Variants in UNC13C observed in about 807,000 individuals in gnomAD.
UNC13C encodes the protein unc-13 homolog C, also known as protein unc-13 homolog C.
Under a neutral mutation model 245.4 loss-of-function variants are expected in UNC13C, and 174 were observed. The ratio of observed to expected loss-of-function variants is 0.71; its 90% CI spans 0.63 to 0.80. UNC13C has a LOEUF of 0.80. Ranked by LOEUF, UNC13C falls within the 30% of genes least tolerant of loss-of-function variation. UNC13C has a pLI of 0.00. For missense variants in UNC13C, 2,829 were observed against 2,602.9 expected (o/e 1.09, Z -1.89); for synonymous variants, 992 against 895.1 (o/e 1.11, Z -1.93).
chr15:54,097,381 C>T (rs993491045), intron 2 of UNC13C, among the ~76,000 whole-genome samples: 1 of 152,162 alleles, frequency 6.6e-6, no homozygotes, highest in East Asian at 1.9e-4. Context: ...CTACCTCAAT[C>T]TCCCCAATGT....
At chr15:54,322,950 G>A (rs1164752997) in intron 14 of UNC13C, among the ~76,000 whole-genome samples, 1 of 151,842 alleles carries the variant, frequency 6.6e-6, no homozygotes, top group Non-Finnish European at 1.5e-5. Flanking sequence ...TTCTGGTCAG[G>A]GCAAATGGGT....
chr15:54,409,751 T>C, intron 18 of UNC13C, among the ~76,000 whole-genome samples: 1 of 152,196 alleles, frequency 6.6e-6, no homozygotes, highest in Admixed American at 6.5e-5. Context: ...GGTACAAATG[T>C]CCCACCTTTT....
At chr15:53,949,272 T>C in the UNC13C span, among the ~76,000 whole-genome samples, 1 of 152,178 alleles carries the variant, frequency 6.6e-6, no homozygotes, top group Non-Finnish European at 1.5e-5. Context: ...GTAGTAGATA[T>C]TCAGCCAGTG....
At chr15:53,980,047 C>T (rs770354803) in intron 1 of UNC13C, among the ~76,000 whole-genome samples, 35 of 152,114 alleles carry the variant, frequency 2.3e-4, no homozygotes, top group Non-Finnish European at 4.7e-4. Flanking sequence ...TGCCAAAGCT[C>T]TAGGACCCTG....
At chr15:53,854,530 A>G in the UNC13C span, among the ~76,000 whole-genome samples, 1 of 152,162 alleles carries the variant, frequency 6.6e-6, no homozygotes, top group African/African-American at 2.4e-5. Flanking sequence ...CAGTTCTCCC[A>G]ACACCATATA....
chr15:53,961,491 T>C, the UNC13C span, among the ~76,000 whole-genome samples: 1 of 152,212 alleles, frequency 6.6e-6, no homozygotes, highest in African/African-American at 2.4e-5. Context: ...GGATGCATGG[T>C]GCACAGTGGT....
At chr15:53,906,412 G>A in the UNC13C span, among the ~76,000 whole-genome samples, 8,530 of 152,292 alleles carry the variant, frequency 0.056, 851 homozygotes, top group African/African-American at 0.2. Flanking sequence ...TCCTGCCTGT[G>A]ATTTCCACAA....
At chr15:54,222,161 G>C (rs2035246694) in intron 4 of UNC13C, among the ~76,000 whole-genome samples, 1 of 152,030 alleles carries the variant, frequency 6.6e-6, no homozygotes, top group Admixed American at 6.6e-5. Context: ...ATTGTTGACT[G>C]TAGTAATATG....
chr15:54,458,678 G>GTATT (rs1407353316), intron 19 of UNC13C, among the ~76,000 whole-genome samples: 1 of 38,634 alleles, frequency 2.6e-5, no homozygotes, highest in Admixed American at 2.8e-4. Context: ...TTCCTTTAAG[G>GTATT]TCTTTTTTTT....
intron 1 of UNC13C, among the ~76,000 whole-genome samples, chr15:54,004,371 A>G (rs1280087784): frequency 6.6e-6 from 1 of 152,232 alleles, no homozygotes; most frequent in African/African-American, 2.4e-5. Flanking sequence ...ATAGTACTTT[A>G]TTATGTATAT....
intron 19 of UNC13C, among the ~76,000 whole-genome samples, chr15:54,445,758 T>C (rs1890777305): frequency 6.6e-6 from 1 of 152,246 alleles, no homozygotes; most frequent in Non-Finnish European, 1.5e-5. Context: ...TTCACTCTGA[T>C]CGTAGTTTCT....
chr15:54,378,084 A>T (rs2039645524), intron 17 of UNC13C, among the ~76,000 whole-genome samples: 1 of 152,154 alleles, frequency 6.6e-6, no homozygotes, highest in Non-Finnish European at 1.5e-5. Flanking sequence ...GAAGTTTATA[A>T]CATTTGGAGA....
At position 54,294,874 on chromosome 15, in the gene UNC13C, G is replaced by A. The variant is rs192531565; in HGVS notation, c.3988+810G>A. Among the ~76,000 whole-genome samples the A allele has an allele frequency of 3.0e-3, 458 of 152,154 alleles. 2 individuals are homozygous for A. Among genetic ancestry groups the A allele is most frequent in the Admixed American group, 0.011 (161 of 15,286 alleles). On this transcript the variant is annotated intron_variant, in intron 11 of 32. Transcript: ENST00000260323. Reference sequence around the variant, plus strand: ...CCAACATATGTTAACAAATTAAAAAGTGCTTTTGACTTTAAAAAAATCTGC... The same window carrying A: ...CCAACATATGTTAACAAATTAAAAAATGCTTTTGACTTTAAAAAAATCTGC...
intron 18 of UNC13C, among the ~76,000 whole-genome samples, chr15:54,406,811 C>T (rs768474581): frequency 6.6e-6 from 1 of 152,096 alleles, no homozygotes; most frequent in African/African-American, 2.4e-5. Context: ...GCTAATTCTG[C>T]CTTGAATACA....
At chr15:54,463,259 T>A (rs1891958162) in intron 19 of UNC13C, among the ~76,000 whole-genome samples, 1 of 1,468 alleles carries the variant, frequency 6.8e-4, no homozygotes, top group African/African-American at 3.3e-3. Context: ...ATCAGTAGAA[T>A]GTGGGCGGGG....
intron 17 of UNC13C, among the ~76,000 whole-genome samples, chr15:54,357,088 A>G (rs971437443): frequency 1.3e-5 from 2 of 152,014 alleles, no homozygotes; most frequent in Admixed American, 6.6e-5. Context: ...TTTACAGCTT[A>G]TAGGTTTTAT....
At chr15:54,383,262 G>C (rs1450907455) in intron 17 of UNC13C, among the ~76,000 whole-genome samples, 3 of 152,074 alleles carry the variant, frequency 2.0e-5, no homozygotes, top group Non-Finnish European at 2.9e-5. Flanking sequence ...CAATATCTCT[G>C]ATAAATATAG....
At chr15:54,215,749 T>C (rs1197106206) in intron 4 of UNC13C, among the ~76,000 whole-genome samples, 1 of 151,884 alleles carries the variant, frequency 6.6e-6, no homozygotes, top group Admixed American at 6.6e-5. Flanking sequence ...AGACTCTCAT[T>C]AAGAAGCCCA....
intron 4 of UNC13C, among the ~76,000 whole-genome samples, chr15:54,156,253 T>C (rs2032740908): frequency 1.3e-5 from 2 of 152,152 alleles, no homozygotes; most frequent in Non-Finnish European, 2.9e-5. Flanking sequence ...TCTTTTTTGC[T>C]TTGAGAATTT....
Sources: gnomAD v4.1 joint callset for allele counts (sites outside exome capture counted in the v4.1 genomes callset) on GRCh38, gnomAD v4.1.1 for gene constraint, MANE v1.5 for transcripts, NCBI Gene and HGNC (gene_info 2026-07-23, HGNC 2026-07-21) for gene names.